The following PKD1L1 variants were observed in gnomAD, a reference collection of about 807,000 sequenced individuals.
PKD1L1 encodes polycystin-1-like protein 1.
Under a neutral mutation model 323.4 loss-of-function variants are expected in PKD1L1, and 236 were observed. That is an observed-to-expected ratio of 0.73 (90% CI 0.66 to 0.81). PKD1L1 has a LOEUF of 0.81. Ranked by LOEUF, PKD1L1 falls within the 40% of genes least tolerant of loss-of-function variation. The probability of loss-of-function intolerance (pLI) is 0.00; values close to 1 mark genes in which losing one functional copy is unlikely to be tolerated. For missense variants in PKD1L1, 3,320 were observed against 3,508.0 expected (o/e 0.95, Z 1.35); for synonymous variants, 1,344 against 1,335.0 (o/e 1.01, Z -0.15).
intron 5 of PKD1L1, 148 bp from the exon 6 acceptor site, chr7:47,931,469 C>T: frequency 1.2e-6 from 1 of 808,370 alleles, no homozygotes; most frequent in Non-Finnish European, 1.9e-6. Flanking sequence ...CACAAATTGG[C>T]CCCGTGCATT....
intron 31 of PKD1L1, among the ~76,000 whole-genome samples, chr7:47,852,057 T>C (rs938439216): frequency 1.2e-4 from 18 of 152,220 alleles, no homozygotes; most frequent in African/African-American, 4.3e-4. Flanking sequence ...CTGAGTTTTG[T>C]AGGGAATGCC....
intron 6 of PKD1L1, 119 bp downstream of exon 6, chr7:47,930,985 C>A: frequency 9.3e-7 from 1 of 1,070,886 alleles, no homozygotes. Flanking sequence ...CTGGACTCAA[C>A]TGCAACTATA....
At chr7:47,933,152 C>T (rs769679490) in intron 4 of PKD1L1, among the ~76,000 whole-genome samples, 7 of 152,182 alleles carry the variant, frequency 4.6e-5, no homozygotes, top group Non-Finnish European at 1.0e-4. Context: ...TGACAGCAGT[C>T]GTGTCTCACT....
At chr7:47,920,773 C>G (rs567332262) in intron 7 of PKD1L1, among the ~76,000 whole-genome samples, 1 of 152,138 alleles carries the variant, frequency 6.6e-6, no homozygotes, top group African/African-American at 2.4e-5. Flanking sequence ...ACAAAGCAAA[C>G]AAAAACATAA....
At chr7:47,818,519 C>T (rs1785072599) in intron 46 of PKD1L1, among the ~76,000 whole-genome samples, 1 of 152,196 alleles carries the variant, frequency 6.6e-6, no homozygotes, top group South Asian at 2.1e-4. Context: ...ATTGGAATAA[C>T]ATTAAGAAAC....
intron 46 of PKD1L1, chr7:47,819,711 C>T (rs1310887206): frequency 1.9e-6 from 1 of 513,196 alleles, no homozygotes; most frequent in African/African-American, 2.1e-5. Flanking sequence ...ACTGGGACTT[C>T]CAGGTCTTAC....
chr7:47,872,632 T>C (rs1263500290), intron 24 of PKD1L1, among the ~76,000 whole-genome samples: 1 of 152,230 alleles, frequency 6.6e-6, no homozygotes, highest in East Asian at 1.9e-4. Flanking sequence ...AGTCCAAACC[T>C]TAATGGGATA....
the PKD1L1 span, among the ~76,000 whole-genome samples, chr7:47,958,657 T>C: frequency 1.3e-5 from 2 of 152,170 alleles, no homozygotes; most frequent in South Asian, 4.1e-4. Flanking sequence ...CGACAACCTA[T>C]AGAATGGGAG....
At chr7:47,888,575 C>T (rs1223525033) in intron 16 of PKD1L1, among the ~76,000 whole-genome samples, 1 of 152,266 alleles carries the variant, frequency 6.6e-6, no homozygotes, top group Non-Finnish European at 1.5e-5. Flanking sequence ...CAGCTGCAAA[C>T]CCATCCCCTC....
chr7:47,796,282 A>G, intron 54 of PKD1L1, 132 bp from the exon 55 acceptor site: 1 of 942,376 alleles, frequency 1.1e-6, no homozygotes, highest in South Asian at 2.0e-5. Flanking sequence ...TAAAATAGTG[A>G]TTTCTTGGTG....
intron 45 of PKD1L1, among the ~76,000 whole-genome samples, chr7:47,824,492 T>C (rs1268738102): frequency 6.6e-6 from 1 of 151,974 alleles, no homozygotes; most frequent in Non-Finnish European, 1.5e-5. Context: ...AGCTTTAGAG[T>C]TTTTTCCCCT....
intron 42 of PKD1L1, 111 bp downstream of exon 42, chr7:47,831,106 T>C (rs564243612): frequency 5.3e-6 from 7 of 1,323,136 alleles, no homozygotes; most frequent in Non-Finnish European, 7.3e-6. Flanking sequence ...ATAGCAATAG[T>C]GACATCTGGA....
chr7:47,899,955 C>CCAAAAAAAAAAA (rs71552464), intron 13 of PKD1L1, among the ~76,000 whole-genome samples: 4 of 106,514 alleles, frequency 3.8e-5, no homozygotes, highest in Non-Finnish European at 5.5e-5. Context: ...GACTCCATCC[C>CCAAAAAAAAAAA]AAAAAAAAAA....
At chr7:47,925,731 A>G (rs1328264136) in intron 7 of PKD1L1, among the ~76,000 whole-genome samples, 1 of 152,166 alleles carries the variant, frequency 6.6e-6, no homozygotes, top group Non-Finnish European at 1.5e-5. Context: ...GCAATAAGAT[A>G]CCAACATGAC....
chr7:47,864,367 G>A (rs539597242), intron 26 of PKD1L1, among the ~76,000 whole-genome samples: 9 of 152,196 alleles, frequency 5.9e-5, no homozygotes, highest in Admixed American at 5.9e-4. Flanking sequence ...AGCAATGCAG[G>A]GGGAACATCA....
At chr7:47,846,748 T>G (rs998837433) in intron 32 of PKD1L1, 131 bp downstream of exon 32, 2 of 775,298 alleles carry the variant, frequency 2.6e-6, no homozygotes, top group Non-Finnish European at 3.9e-6. Context: ...GGCTGGAGAG[T>G]TGTACAAACC....
Position 47,840,659 on chromosome 7 carries a change from G to T in PKD1L1, c.5446-92C>A. 1.0e-6 allele frequency: 1 copy of T among 977,568 alleles called. No individual in the cohort carries two copies. Among genetic ancestry groups the T allele is most frequent in the Non-Finnish European group, 1.6e-6 (1 of 634,116 alleles). 60.6% of individuals were successfully genotyped at this position (977,568 alleles called of 1,614,324 possible). A position where few individuals can be genotyped will look rare whatever the true frequency, so the allele number is the denominator to read the frequency against. ...GGGCTTCCTCGCACTTTCTCCCAGC[G>T]TCCCACCCTTCCTCAAAACCATCTG... is the stretch of plus-strand genomic sequence containing the variant. On this transcript the variant is annotated intron_variant, in intron 34 of 56. Coordinates refer to ENST00000289672, the MANE Select transcript of PKD1L1 (RefSeq NM_138295.5). This position sits in a 1 kb window ranked among gnomAD's most constrained non-coding sequence, Gnocchi z 4.1.
intron 12 of PKD1L1, 29 bp downstream of exon 12, chr7:47,904,349 G>A (rs778286249): frequency 2.5e-5 from 40 of 1,613,280 alleles, no homozygotes; most frequent in Non-Finnish European, 3.4e-5. Context: ...TGTCTGTAGA[G>A]AGCACTCCGC....
intron 47 of PKD1L1, among the ~76,000 whole-genome samples, chr7:47,814,607 C>T (rs1395494910): frequency 6.6e-6 from 1 of 152,182 alleles, no homozygotes; most frequent in African/African-American, 2.4e-5. Context: ...ACCTCCACCT[C>T]TCAGGTTCAA....
Sources: allele counts gnomAD v4.1 joint callset (sites outside exome capture counted in the v4.1 genomes callset), GRCh38; gene constraint gnomAD v4.1.1; non-coding constraint Gnocchi (gnomAD v3.1); transcripts MANE v1.5; gene names NCBI Gene and HGNC (gene_info 2026-07-23, HGNC 2026-07-21).